Variants in CUX1 observed in about 807,000 individuals in gnomAD.
CUX1 encodes the protein protein CASP.
In CUX1, 31 loss-of-function variants were observed where a neutral mutation model predicts 158.8. That is an observed-to-expected ratio of 0.20 (90% confidence interval 0.15 to 0.26). The LOEUF (loss-of-function observed/expected upper bound fraction) is 0.26. Ranked by LOEUF, CUX1 falls within the 10% of genes least tolerant of loss-of-function variation. The pLI is 1.00. For missense variants in CUX1, 1,589 were observed against 2,014.6 expected (o/e 0.79, Z 4.04); for synonymous variants, 879 against 862.1 (o/e 1.02, Z -0.34).
At chr7:101,964,394 C>T (rs953871988) in intron 2 of CUX1, among the ~76,000 whole-genome samples, 2 of 152,034 alleles carry the variant, frequency 1.3e-5, no homozygotes, top group Non-Finnish European at 2.9e-5. Flanking sequence ...AATTTGGGCC[C>T]AGGTTTCGTC....
At chr7:102,036,660 T>G (rs1242163399) in intron 3 of CUX1, among the ~76,000 whole-genome samples, 1 of 151,638 alleles carries the variant, frequency 6.6e-6, no homozygotes, top group Non-Finnish European at 1.5e-5. Context: ...GAGAATTGCT[T>G]GAACCCGGGA....
intron 2 of CUX1, among the ~76,000 whole-genome samples, chr7:101,923,402 T>G (rs1222648433): frequency 1.3e-5 from 2 of 152,218 alleles, no homozygotes; most frequent in Non-Finnish European, 1.5e-5. Context: ...GAGAACCACA[T>G]TCCTGAGATG....
chr7:102,278,442 A>AG, intron 18 of CUX1, among the ~76,000 whole-genome samples: 1 of 151,808 alleles, frequency 6.6e-6, no homozygotes, highest in East Asian at 1.9e-4. Context: ...ATACAAAAAA[A>AG]GTATCCGGGC....
At chr7:102,207,065 G>C (rs1419252369) in intron 20 of CUX1, among the ~76,000 whole-genome samples, 1 of 152,188 alleles carries the variant, frequency 6.6e-6, no homozygotes, top group African/African-American at 2.4e-5. Flanking sequence ...TGGAACGTTT[G>C]TACAACAGTC....
chr7:101,818,770 C>T lies in CUX1; in HGVS notation c.30+1101C>T, dbSNP rs572327724. On this transcript the variant is annotated intron_variant, in intron 1 of 23. Transcript: ENST00000292535. The stretch of plus-strand genomic sequence containing the variant: ...AGGCCAATCTGGTTCTTTCTCTGGG[C>T]GGTGAGGAGGCCTTTGGAGTTGGTG... 2.0e-5 allele frequency among the ~76,000 whole-genome samples: 3 copies of T among 152,264 alleles called. No homozygotes were observed. In the South Asian group the frequency reaches 6.2e-4, roughly 32 times the overall value.
At chr7:101,941,137 G>A (rs1460592340) in intron 2 of CUX1, among the ~76,000 whole-genome samples, 4 of 152,214 alleles carry the variant, frequency 2.6e-5, no homozygotes, top group East Asian at 1.9e-4. Context: ...GCAGCCAGCC[G>A]GGCAGCCTGT....
At chr7:102,166,882 A>G (rs994838281) in intron 9 of CUX1, among the ~76,000 whole-genome samples, 2 of 152,234 alleles carry the variant, frequency 1.3e-5, no homozygotes. Flanking sequence ...CACAAGTGAT[A>G]GAAGTCTGAC....
intron 2 of CUX1, among the ~76,000 whole-genome samples, chr7:101,954,100 AG>A (rs1245356693): frequency 6.6e-6 from 1 of 152,104 alleles, no homozygotes; most frequent in East Asian, 1.9e-4. Flanking sequence ...CTGAGACGGG[AG>A]GATCACCTGA....
intron 18 of CUX1, 101 bp from the exon 19 acceptor site, chr7:102,204,290 C>G: frequency 6.7e-7 from 1 of 1,483,226 alleles, no homozygotes. Context: ...GAAGTCAGCC[C>G]TAGACGCGCC....
intron 3 of CUX1, among the ~76,000 whole-genome samples, chr7:102,048,714 AG>A (rs1823133158): frequency 6.6e-6 from 1 of 152,250 alleles, no homozygotes; most frequent in African/African-American, 2.4e-5. Flanking sequence ...CTGTCATCCC[AG>A]CTACTCGAGA....
chr7:102,032,410 A>G (rs1820897661), intron 3 of CUX1, among the ~76,000 whole-genome samples: 1 of 152,008 alleles, frequency 6.6e-6, no homozygotes. Context: ...TCATGCCTAT[A>G]ATCCCAGCAC....
At chr7:101,855,746 C>T (rs1796715080) in intron 1 of CUX1, among the ~76,000 whole-genome samples, 1 of 151,940 alleles carries the variant, frequency 6.6e-6, no homozygotes, top group Admixed American at 6.6e-5. Flanking sequence ...GGCGCAGTGG[C>T]AGACGCCTGT....
intron 1 of CUX1, among the ~76,000 whole-genome samples, chr7:101,860,429 C>T (rs1797317407): frequency 3.3e-5 from 5 of 152,190 alleles, no homozygotes; most frequent in Admixed American, 3.3e-4. Context: ...CCTAATACCA[C>T]GATCACACCT....
At chr7:102,123,263 G>A (rs10258038) in intron 8 of CUX1, among the ~76,000 whole-genome samples, 4 of 151,368 alleles carry the variant, frequency 2.6e-5, no homozygotes, top group Non-Finnish European at 4.4e-5. Context: ...CACTGTGCAT[G>A]TGGCCATGTA....
intron 2 of CUX1, among the ~76,000 whole-genome samples, chr7:101,966,068 G>A (rs1255056291): frequency 6.6e-6 from 1 of 151,880 alleles, no homozygotes; most frequent in African/African-American, 2.4e-5. Flanking sequence ...AATAGTGTTT[G>A]TTTTGTTTTG....
At chr7:101,986,015 T>C (rs1814258096) in intron 2 of CUX1, among the ~76,000 whole-genome samples, 1 of 152,244 alleles carries the variant, frequency 6.6e-6, no homozygotes, top group Non-Finnish European at 1.5e-5. Context: ...CTTTGAGACC[T>C]GCCGCTTCTG....
chr7:102,158,515 C>T (rs368607183), intron 8 of CUX1, 45 bp from the exon 9 acceptor site: 4 of 1,602,010 alleles, frequency 2.5e-6, no homozygotes, highest in African/African-American at 2.7e-5. Flanking sequence ...CCCCCTGAGC[C>T]GGTCTCCTTG....
chr7:102,230,078 C>A (rs1320797939), intron 21 of CUX1, among the ~76,000 whole-genome samples: 1 of 152,176 alleles, frequency 6.6e-6, no homozygotes, highest in Admixed American at 6.5e-5. Flanking sequence ...CTCTGCAGAG[C>A]ATGTAAGCAC....
intron 9 of CUX1, among the ~76,000 whole-genome samples, chr7:102,160,002 G>A (rs1048764691): frequency 1.3e-5 from 2 of 152,120 alleles, no homozygotes; most frequent in Admixed American, 1.3e-4. Context: ...CCAACATGGT[G>A]AAGCCCCATC....
Sources: allele counts gnomAD v4.1 joint callset (sites outside exome capture counted in the v4.1 genomes callset), GRCh38; gene constraint gnomAD v4.1.1; transcripts MANE v1.5; gene names NCBI Gene and HGNC (gene_info 2026-07-23, HGNC 2026-07-21).